SEMA3A: variants seen among roughly 807,000 people sequenced by gnomAD.
SEMA3A encodes semaphorin 3A, also known as semaphorin-3A.
A neutral mutation model predicts 97.9 loss-of-function variants in SEMA3A; 29 were observed. The ratio of observed to expected loss-of-function variants is 0.30; its 90% CI spans 0.22 to 0.40. The LOEUF is 0.40. Ranked by LOEUF, SEMA3A falls within the 10% of genes least tolerant of loss-of-function variation. The pLI, the probability that SEMA3A is intolerant of heterozygous loss-of-function variation, is 1.00. For missense variants in SEMA3A, 763 were observed against 951.3 expected (o/e 0.80, Z 2.60); for synonymous variants, 321 against 323.7 (o/e 0.99, Z 0.09).
At chr7:84,103,767 G>A (rs546532811) in intron 4 of SEMA3A, among the ~76,000 whole-genome samples, 3 of 152,142 alleles carry the variant, frequency 2.0e-5, no homozygotes, top group East Asian at 3.9e-4. Flanking sequence ...AACTAGAGTC[G>A]AGAGGTAAAA....
intron 1 of SEMA3A, among the ~76,000 whole-genome samples, chr7:84,141,325 G>C (rs1276839015): frequency 2.0e-5 from 3 of 152,144 alleles, no homozygotes. Context: ...AGCAGTCTAT[G>C]AAACACAGCT....
At chr7:84,462,610 T>G (rs1023622905) in intron 1 of SEMA3A, among the ~76,000 whole-genome samples, 2 of 152,158 alleles carry the variant, frequency 1.3e-5, no homozygotes, top group African/African-American at 4.8e-5. Flanking sequence ...TTAGTCATGT[T>G]CCTTAGAGCT....
At chr7:84,373,433 A>C (rs954783027) in intron 1 of SEMA3A, among the ~76,000 whole-genome samples, 4 of 152,198 alleles carry the variant, frequency 2.6e-5, no homozygotes, top group African/African-American at 9.6e-5. Context: ...CAAAAAGCAA[A>C]TAGGGTCAGT....
intron 1 of SEMA3A, among the ~76,000 whole-genome samples, chr7:84,404,616 A>C (rs1268229313): frequency 6.6e-6 from 1 of 152,168 alleles, no homozygotes; most frequent in East Asian, 1.9e-4. Context: ...GTTGAAATGA[A>C]GGAAAAAATG....
intron 1 of SEMA3A, among the ~76,000 whole-genome samples, chr7:84,457,736 G>T (rs1805721017): frequency 6.6e-6 from 1 of 151,842 alleles, no homozygotes; most frequent in Admixed American, 6.6e-5. Flanking sequence ...AATATACCTA[G>T]TTATAAATAA....
chr7:84,414,394 TAA>T (rs34408044), intron 1 of SEMA3A, among the ~76,000 whole-genome samples: 49 of 112,198 alleles, frequency 4.4e-4, no homozygotes, highest in Middle Eastern at 4.3e-3. Context: ...TGGCTAAAAG[TAA>T]AAAAAAAAAA....
rs1333624587 is a variant in SEMA3A, at chr7:84,272,512, A to C, written c.-83+34695T>G. Reference sequence around the variant, plus strand: ...TCAAATATATTAAATGATTATGGCCAAAGGAACCTAGTTCTGAGGAACTAG... The same window carrying C: ...TCAAATATATTAAATGATTATGGCCCAAGGAACCTAGTTCTGAGGAACTAG... On this transcript the variant is annotated intron_variant, in intron 3 of 3. Transcript: ENST00000424555. Among the ~76,000 whole-genome samples the C allele has an allele frequency of 3.3e-5, 5 of 152,214 alleles. No individual in the cohort carries two copies. The East Asian group carries it at 9.6e-4, about 29-fold the overall frequency.
Position 84,097,034 on chromosome 7 carries a change from G to T in SEMA3A, c.453+13436C>A, listed in dbSNP as rs186269225. Among the ~76,000 whole-genome samples the T allele has an allele frequency of 2.6e-3, 394 of 152,162 alleles. 1 individual carries two copies. Among genetic ancestry groups the T allele is most frequent in the Non-Finnish European group, 4.4e-3 (302 of 67,982 alleles). On this transcript the variant is annotated intron_variant, in intron 4 of 16. Transcript: ENST00000265362. ...CATGACAAGAATACGGATTCTTAAGGGCAAAGGTTACAATTGTCCCCAAGA... is the reference window on the plus strand; with the variant it reads ...CATGACAAGAATACGGATTCTTAAGTGCAAAGGTTACAATTGTCCCCAAGA...
chr7:84,068,859 C>T (rs891273901), intron 4 of SEMA3A, among the ~76,000 whole-genome samples: 25 of 152,070 alleles, frequency 1.6e-4, no homozygotes, highest in Admixed American at 1.5e-3. Flanking sequence ...AACTATCCTT[C>T]GTCATGGTGT....
intron 1 of SEMA3A, among the ~76,000 whole-genome samples, chr7:84,171,597 G>A (rs1393019324): frequency 6.6e-6 from 1 of 151,994 alleles, no homozygotes; most frequent in African/African-American, 2.4e-5. Context: ...TATAGGCATT[G>A]GTATGAATTC....
intron 1 of SEMA3A, among the ~76,000 whole-genome samples, chr7:84,163,553 G>T (rs1188288386): frequency 1.3e-5 from 2 of 151,950 alleles, no homozygotes; most frequent in African/African-American, 4.8e-5. Flanking sequence ...GAAATACCTT[G>T]AACAAAATGA....
intron 1 of SEMA3A, among the ~76,000 whole-genome samples, chr7:84,486,578 A>G (rs1387785495): frequency 6.6e-6 from 1 of 152,184 alleles, no homozygotes; most frequent in African/African-American, 2.4e-5. Flanking sequence ...CTTTACAAAT[A>G]GTTTTGCAAA....
chr7:84,019,406 G>T (rs1791236274), intron 6 of SEMA3A, among the ~76,000 whole-genome samples: 1 of 151,674 alleles, frequency 6.6e-6, no homozygotes, highest in African/African-American at 2.4e-5. Context: ...AAAGAGAAGA[G>T]AAACTAAGAC....
chr7:84,428,196 A>G (rs1367916351), intron 1 of SEMA3A, among the ~76,000 whole-genome samples: 1 of 152,106 alleles, frequency 6.6e-6, no homozygotes, highest in Admixed American at 6.6e-5. Flanking sequence ...CTCATAGATA[A>G]TAAAGCAACT....
At chr7:84,110,653 T>A in intron 3 of SEMA3A, 64 bp from the exon 4 acceptor site, 1 of 1,524,058 alleles carries the variant, frequency 6.6e-7, no homozygotes, top group Non-Finnish European at 8.9e-7. Flanking sequence ...TCCTCTAGGG[T>A]GCTAGGCATG....
At chr7:84,236,932 GA>G (rs988709078) in intron 3 of SEMA3A, among the ~76,000 whole-genome samples, 2 of 151,222 alleles carry the variant, frequency 1.3e-5, no homozygotes, top group Middle Eastern at 3.4e-3. Flanking sequence ...TAATTACCTG[GA>G]AAAAAAATGG....
intron 1 of SEMA3A, among the ~76,000 whole-genome samples, chr7:84,173,386 T>C (rs1226737802): frequency 6.6e-6 from 1 of 151,720 alleles, no homozygotes; most frequent in Non-Finnish European, 1.5e-5. Flanking sequence ...TGAAATCCCA[T>C]CTCTACTAAA....
intron 1 of SEMA3A, among the ~76,000 whole-genome samples, chr7:84,166,679 T>A (rs1420111122): frequency 6.6e-6 from 1 of 151,430 alleles, no homozygotes; most frequent in Non-Finnish European, 1.5e-5. Flanking sequence ...AAGATCAGCC[T>A]CGCCAAGATG....
At chr7:84,242,112 CT>C (rs745659894) in intron 3 of SEMA3A, among the ~76,000 whole-genome samples, 1 of 152,088 alleles carries the variant, frequency 6.6e-6, no homozygotes, top group Non-Finnish European at 1.5e-5. Context: ...GCTATACAGG[CT>C]CTTTTTTGGT....
Sources: gnomAD v4.1 joint callset for allele counts (sites outside exome capture counted in the v4.1 genomes callset) on GRCh38, gnomAD v4.1.1 for gene constraint, MANE v1.5 for transcripts, NCBI Gene and HGNC (gene_info 2026-07-23, HGNC 2026-07-21) for gene names.